The following OTUD7A variants were observed in gnomAD, a reference collection of about 807,000 sequenced individuals.
The protein encoded by OTUD7A is OTU domain-containing protein 7A.
Under a neutral mutation model 65.7 loss-of-function variants are expected in OTUD7A, and 12 were observed. That is an observed-to-expected ratio of 0.18 (90% CI 0.12 to 0.30). The LOEUF (loss-of-function observed/expected upper bound fraction) is 0.30, where lower values mean the gene tolerates loss of function less well. Ranked by LOEUF, OTUD7A falls within the 10% of genes least tolerant of loss-of-function variation. The pLI, the probability that OTUD7A is intolerant of heterozygous loss-of-function variation, is 1.00. For synonymous variants in OTUD7A, 641 were observed against 586.3 expected, an observed-to-expected ratio of 1.09 and a Z score of -1.35; for missense variants, 1,148 against 1,304.8, an observed-to-expected ratio of 0.88 and a Z score of 1.85.
intron 1 of OTUD7A, among the ~76,000 whole-genome samples, chr15:31,852,214 G>C (rs564327016): frequency 6.6e-6 from 1 of 152,278 alleles, no homozygotes; most frequent in African/African-American, 2.4e-5. Flanking sequence ...CAGTAAGTGT[G>C]GGTGCCCTCT....
intron 8 of OTUD7A, among the ~76,000 whole-genome samples, chr15:31,521,137 G>A: frequency 6.6e-6 from 1 of 152,188 alleles, no homozygotes; most frequent in East Asian, 1.9e-4. Context: ...CAGGCCGGAG[G>A]GTTCGCGGGG....
chr15:31,576,937 C>T (rs948655437), intron 3 of OTUD7A, among the ~76,000 whole-genome samples: 13 of 152,012 alleles, frequency 8.6e-5, no homozygotes, highest in African/African-American at 3.1e-4. Context: ...TGTAATACCG[C>T]CTTTCTTTTG....
chr15:31,524,878 T>C (rs1298824794), intron 8 of OTUD7A, among the ~76,000 whole-genome samples: 2 of 152,152 alleles, frequency 1.3e-5, no homozygotes, highest in African/African-American at 4.8e-5. Flanking sequence ...TGTGTCCCCA[T>C]TAGCATCTGA....
Position 31,669,940 on chromosome 15 carries a change from C to T in OTUD7A, c.-99-12863G>A, listed in dbSNP as rs191731179. Among the ~76,000 whole-genome samples the T allele has an allele frequency of 1.2e-3, 174 of 146,566 alleles. 1 individual carries two copies. Among genetic ancestry groups the T allele is most frequent in the African/African-American group, 4.4e-3 (166 of 37,606 alleles). On this transcript the variant is annotated intron_variant, in intron 1 of 12. Transcript: ENST00000307050. ...AATTTCTCCATTGGGGGTGTGTGTTCGGGAGAGCAGGATCTCCCTTTTCCA... is the reference window on the plus strand; with the variant it reads ...AATTTCTCCATTGGGGGTGTGTGTTTGGGAGAGCAGGATCTCCCTTTTCCA...
chr15:31,603,775 T>A (rs1243020919), intron 3 of OTUD7A, among the ~76,000 whole-genome samples: 1 of 152,070 alleles, frequency 6.6e-6, no homozygotes, highest in African/African-American at 2.4e-5. Context: ...CACCAAAAAG[T>A]GGGCAAATTA....
At chr15:31,804,162 C>A (rs1056664704) in intron 1 of OTUD7A, among the ~76,000 whole-genome samples, 1 of 152,208 alleles carries the variant, frequency 6.6e-6, no homozygotes, top group African/African-American at 2.4e-5. Context: ...CTTCAAGGAA[C>A]AGACCCTTTC....
chr15:31,697,225 C>T (rs2654089), intron 1 of OTUD7A, among the ~76,000 whole-genome samples: 17,617 of 72,466 alleles, frequency 0.24, 3,911 homozygotes, highest in African/African-American at 0.38. Flanking sequence ...TCCTCCCCTC[C>T]ACCTGCCTCC....
intron 8 of OTUD7A, among the ~76,000 whole-genome samples, chr15:31,520,408 G>A (rs569875685): frequency 6.6e-5 from 10 of 152,252 alleles, no homozygotes; most frequent in South Asian, 2.1e-4. Flanking sequence ...TTCATTTTGC[G>A]TCATTCACTA....
intron 1 of OTUD7A, chr15:31,767,769 C>T: frequency 1.4e-6 from 1 of 708,286 alleles, no homozygotes; most frequent in South Asian, 1.6e-5. Flanking sequence ...TGCTTTTCAG[C>T]AGTTCTACGA....
At chr15:31,783,667 C>T (rs1011538567) in intron 1 of OTUD7A, among the ~76,000 whole-genome samples, 1 of 152,166 alleles carries the variant, frequency 6.6e-6, no homozygotes, top group African/African-American at 2.4e-5. Context: ...TGCCAAAGAG[C>T]GATGGAGGTC....
intron 1 of OTUD7A, among the ~76,000 whole-genome samples, chr15:31,746,554 G>C (rs2141378758): frequency 6.6e-6 from 1 of 150,596 alleles, no homozygotes; most frequent in South Asian, 2.1e-4. Context: ...ATCCAGGCTG[G>C]AGTGCGATCT....
intron 8 of OTUD7A, among the ~76,000 whole-genome samples, chr15:31,515,303 T>G (rs778216124): frequency 6.6e-6 from 1 of 152,040 alleles, no homozygotes; most frequent in Non-Finnish European, 1.5e-5. Context: ...CCATCTTCAC[T>G]TCCTGGCAGA....
intron 8 of OTUD7A, among the ~76,000 whole-genome samples, chr15:31,525,436 T>C (rs1272059516): frequency 6.6e-6 from 1 of 152,202 alleles, no homozygotes; most frequent in African/African-American, 2.4e-5. Flanking sequence ...CTGCTGCAGC[T>C]GCAGCTCTGT....
chr15:31,576,524 A>G (rs1189106989), intron 3 of OTUD7A, among the ~76,000 whole-genome samples: 1 of 152,110 alleles, frequency 6.6e-6, no homozygotes. Context: ...AAGTTGTCCC[A>G]CCTTCCCAGA....
chr15:31,554,916 G>A (rs1011864418), intron 5 of OTUD7A, among the ~76,000 whole-genome samples: 8 of 152,176 alleles, frequency 5.3e-5, no homozygotes, highest in Admixed American at 2.0e-4. Flanking sequence ...CAGATGATCC[G>A]GCCCTTCTGT....
At chr15:31,860,805 A>ACGCCATTCT (rs1897720353) in intron 1 of OTUD7A, among the ~76,000 whole-genome samples, 1 of 147,076 alleles carries the variant, frequency 6.8e-6, no homozygotes, top group Admixed American at 6.8e-5. Flanking sequence ...TCCTGGGTTC[A>ACGCCATTCT]CGCCATTCTC....
chr15:31,692,608 T>G (rs994133476), intron 1 of OTUD7A, among the ~76,000 whole-genome samples: 15 of 122,438 alleles, frequency 1.2e-4, no homozygotes, highest in African/African-American at 4.0e-4. Context: ...TAGAAGAAAT[T>G]CATTCTTGTA....
chr15:31,855,053 A>G (rs1293173695), intron 1 of OTUD7A, among the ~76,000 whole-genome samples: 2 of 152,208 alleles, frequency 1.3e-5, no homozygotes, highest in Non-Finnish European at 2.9e-5. Flanking sequence ...CAAAAGAAAC[A>G]ATGTGCATAT....
chr15:31,625,504 G>A (rs1471790030), intron 3 of OTUD7A, among the ~76,000 whole-genome samples: 2 of 151,816 alleles, frequency 1.3e-5, no homozygotes, highest in Admixed American at 6.6e-5. Context: ...CATCAAAGAT[G>A]ATGGAGCAAG....
Sources: gnomAD v4.1 joint callset for allele counts (sites outside exome capture counted in the v4.1 genomes callset) on GRCh38, gnomAD v4.1.1 for gene constraint, MANE v1.5 for transcripts, NCBI Gene and HGNC (gene_info 2026-07-23, HGNC 2026-07-21) for gene names.